Variants in ATR observed in about 807,000 individuals in gnomAD.
The protein encoded by ATR is ATR checkpoint kinase, also known as serine/threonine-protein kinase ATR.
ATR carries 142 observed loss-of-function variants against 305.3 expected under a neutral mutation model. The ratio of observed to expected loss-of-function variants is 0.47; its 90% CI spans 0.41 to 0.53. ATR has a LOEUF of 0.53. Ranked by LOEUF, ATR falls within the 20% of genes least tolerant of loss-of-function variation. The pLI is 0.00. For missense variants in ATR, 2,135 were observed against 3,133.1 expected, an observed-to-expected ratio of 0.68 and a Z score of 7.60; for synonymous variants, 1,050 against 1,068.1, an observed-to-expected ratio of 0.98 and a Z score of 0.33.
chr3:142,556,173 T>C (rs760122360), intron 9 of ATR, 34 bp from the exon 10 acceptor site: 1 of 1,609,602 alleles, frequency 6.2e-7, no homozygotes, highest in Non-Finnish European at 8.5e-7. Flanking sequence ...CTAAACTTTC[T>C]TGCCTAATTT....
At chr3:142,508,863 G>A (rs1044947678) in intron 27 of ATR, among the ~76,000 whole-genome samples, 1 of 148,280 alleles carries the variant, frequency 6.7e-6, no homozygotes, top group Non-Finnish European at 1.5e-5. Flanking sequence ...GGCGGAGCTT[G>A]CAGTGAGCTG....
Position 142,465,247 on chromosome 3 carries a change from G to A in ATR, c.6898-7C>T. 6.2e-7 allele frequency: 1 copy of A among 1,605,806 alleles called. No individual in the cohort carries two copies. Among genetic ancestry groups the A allele is most frequent in the Non-Finnish European group, 8.5e-7 (1 of 1,175,510 alleles). ...GAGAAGCAAGAATTTCCACCTAAAA[G>A]ATGATGAGTTATATATGAATTAGGG... is the stretch of plus-strand genomic sequence containing the variant. On this transcript the variant is annotated splice_polypyrimidine_tract_variant and splice_region_variant and intron_variant, in intron 40 of 46. Transcript: ENST00000350721.
At position 142,558,583 on chromosome 3, in the gene ATR, T is replaced by C. The variant is rs560112770; in HGVS notation, c.1885+41A>G. 1.6e-4 allele frequency: 241 copies of C among 1,473,766 alleles called. 3 individuals are homozygous for C. The South Asian group carries it at 2.8e-3, about 17-fold the overall frequency. The allele number at this position is 1,473,766 out of a possible 1,614,324, so 91.3% of individuals were successfully genotyped here. A position where few individuals can be genotyped will look rare whatever the true frequency, so the allele number is the denominator to read the frequency against. ...ATAGATAGATAGATAGATAGATAGA[T>C]AAATAAAACAAACCACACACACATT... On this transcript the variant is annotated intron_variant, in intron 8 of 46. Coordinates refer to ENST00000350721, the MANE Select transcript of ATR (RefSeq NM_001184.4).
chr3:142,539,212 G>A (rs2033967642), intron 18 of ATR, among the ~76,000 whole-genome samples: 2 of 152,132 alleles, frequency 1.3e-5, no homozygotes, highest in African/African-American at 4.8e-5. Flanking sequence ...AGCAATGACA[G>A]TAGGCCCAAA....
chr3:142,451,511 A>G (rs2070788103), intron 46 of ATR: 1 of 1,428,872 alleles, frequency 7.0e-7, no homozygotes, highest in South Asian at 1.2e-5. Flanking sequence ...GGACCCATAG[A>G]AACAGAAAGA....
intron 45 of ATR, among the ~76,000 whole-genome samples, chr3:142,453,647 T>C (rs1431975736): frequency 1.3e-5 from 2 of 152,216 alleles, no homozygotes. Context: ...CAATTACCTA[T>C]GGGAAATACC....
Position 142,559,298 on chromosome 3 carries a change from G to A in ATR, c.1685C>T (p.Thr562Ile), listed in dbSNP as rs2108479643. ...ESVQKLDLEA[T>I]IDKVVKIYDA... Reference sequence around the variant, plus strand: ...ATAAATTTTCACCACCTTATCAATGGTTGCCTCCAGGTCCAGTTTCTGAAC... The same window carrying A: ...ATAAATTTTCACCACCTTATCAATGATTGCCTCCAGGTCCAGTTTCTGAAC... The change falls in exon 7 of 47, where the codon ACC becomes ATC. Residue 562 changes from threonine to isoleucine, a missense_variant. This residue lies in a region of ATR where 744 missense variants were observed against 873.2 expected (regional missense o/e 0.85). Transcript: ENST00000350721. The A allele has an allele frequency of 6.2e-7, 1 of 1,613,944 alleles. No homozygotes were observed. Among genetic ancestry groups the A allele is most frequent in the Non-Finnish European group, 8.5e-7 (1 of 1,179,956 alleles).
In ATR at chr3:142,459,401, A is replaced by G. The variant is rs2108262168; in HGVS notation, c.7193-18T>C. On this transcript the variant is annotated intron_variant, in intron 42 of 46. Coordinates refer to ENST00000350721, the MANE Select transcript of ATR (RefSeq NM_001184.4). ...ATACACTCCTGCAAGGAAGAGTGATATCCATTAATCACATCAGCCAAATGA... is the reference window on the plus strand; with the variant it reads ...ATACACTCCTGCAAGGAAGAGTGATGTCCATTAATCACATCAGCCAAATGA... 1.9e-6 allele frequency: 3 copies of G among 1,613,628 alleles called. No individual in the cohort carries two copies. The highest frequency in any genetic ancestry group is 2.5e-6 in the Non-Finnish European group (3 of 1,179,740).
chr3:142,470,082 A>T lies in ATR; in HGVS notation c.6319+4T>A. ...CTTTAAAACTTTTACGTGAAGAGTTATACCTTTTTCCCATTCATATGCCTT... is the reference window on the plus strand; with the variant it reads ...CTTTAAAACTTTTACGTGAAGAGTTTTACCTTTTTCCCATTCATATGCCTT... On this transcript the variant is annotated splice_donor_region_variant and intron_variant, in intron 37 of 46. Transcript: ENST00000350721. 1 of 1,594,994 alleles carries T rather than the reference A, an allele frequency of 6.3e-7. No individual in the cohort carries two copies. The highest frequency in any genetic ancestry group is 8.6e-7 in the Non-Finnish European group (1 of 1,164,036).
chr3:142,551,858 A>G (rs1559987200), intron 13 of ATR, among the ~76,000 whole-genome samples: 1 of 152,250 alleles, frequency 6.6e-6, no homozygotes, highest in Non-Finnish European at 1.5e-5. Context: ...GCACAGCAAA[A>G]TAAACTATCA....
intron 19 of ATR, 122 bp downstream of exon 19, chr3:142,538,355 ACTTTT>A: frequency 2.0e-6 from 2 of 983,088 alleles, no homozygotes; most frequent in Non-Finnish European, 3.0e-6. Flanking sequence ...CATGCCAATT[ACTTTT>A]GTTTATTGAT....
chr3:142,466,745 G>A (rs1454343787), intron 39 of ATR, among the ~76,000 whole-genome samples: 2 of 151,964 alleles, frequency 1.3e-5, no homozygotes, highest in Non-Finnish European at 2.9e-5. Flanking sequence ...AGAGAGTAGA[G>A]GCCTATAATC....
At chr3:142,451,826 C>A (rs1252222093) in intron 46 of ATR, 4 of 1,286,744 alleles carry the variant, frequency 3.1e-6, no homozygotes, top group Admixed American at 2.3e-5. Flanking sequence ...GAGTGTGATC[C>A]TGCTAGAGCT....
intron 21 of ATR, among the ~76,000 whole-genome samples, chr3:142,532,185 C>T (rs943469745): frequency 2.0e-5 from 3 of 152,172 alleles, no homozygotes; most frequent in African/African-American, 4.8e-5. Flanking sequence ...CCATCTTCTG[C>T]GTCACTCACG....
intron 34 of ATR, 25 bp downstream of exon 34, chr3:142,496,336 A>ATATATATATGTATATATC (rs531114901): frequency 1.9e-6 from 1 of 522,178 alleles, no homozygotes; most frequent in African/African-American, 3.4e-5. Flanking sequence ...ATATATATAT[A>ATATATATATGTATATATC]TGATGACATT....
At chr3:142,550,103 C>T (rs201281844) in intron 14 of ATR, 29 bp downstream of exon 14, 450 of 1,611,816 alleles carry the variant, frequency 2.8e-4, no homozygotes, top group Admixed American at 4.5e-4. Flanking sequence ...GAATTGCAAA[C>T]CTCAAGTGAA....
rs1477383361 is a variant in ATR at position 142,512,299 on chromosome 3, G to A, written c.4813C>T (p.Pro1605Ser). The change falls in exon 27 of 47, where the codon CCA becomes TCA. Residue 1605 changes from proline to serine, a missense_variant. By Grantham distance (74) the Pro-to-Ser change is moderately conservative (BLOSUM62 -1). Coordinates refer to ENST00000350721, the MANE Select transcript of ATR (RefSeq NM_001184.4). ...KFQALKAEKC[P>S]HSKSNRNKVD... ...TTATTTCTGTTTGATTTGCTGTGTG[G>A]ACATTTCTCAGCTTTCAGTGCCTGA... 1.9e-6 allele frequency: 3 copies of A among 1,613,272 alleles called. No homozygotes were observed. The highest frequency in any genetic ancestry group is 1.3e-5 in the African/African-American group (1 of 74,740).
chr3:142,513,898 C>A (rs1022182858), intron 25 of ATR, among the ~76,000 whole-genome samples: 1 of 151,392 alleles, frequency 6.6e-6, no homozygotes, highest in Non-Finnish European at 1.5e-5. Flanking sequence ...CAAAAAAAAA[C>A]CCATAATATT....
At chr3:142,536,226 A>T (rs765972957) in intron 19 of ATR, 25 bp from the exon 20 acceptor site, 8 of 1,469,384 alleles carry the variant, frequency 5.4e-6, no homozygotes, top group Non-Finnish European at 7.6e-6. Flanking sequence ...GAATAAAAAG[A>T]ATTATTTGCC....
Sources: gnomAD v4.1 joint callset for allele counts (sites outside exome capture counted in the v4.1 genomes callset) on GRCh38, gnomAD v4.1.1 for gene constraint, gnomAD v4.1.1 regional missense constraint, MANE v1.5 for transcripts, NCBI Gene and HGNC (gene_info 2026-07-23, HGNC 2026-07-21) for gene names.